CCDC102B: variants seen among roughly 807,000 people sequenced by gnomAD.
CCDC102B encodes coiled-coil domain containing 102B.
Under a neutral mutation model 57.4 loss-of-function variants are expected in CCDC102B, and 75 were observed. The ratio of observed to expected loss-of-function variants is 1.31; its 90% confidence interval spans 1.08 to 1.58. CCDC102B has a LOEUF of 1.58. Ranked by LOEUF, CCDC102B falls within the 40% of genes most tolerant of loss-of-function variation. The pLI, the probability that CCDC102B is intolerant of heterozygous loss-of-function variation, is 0.00. For missense variants in CCDC102B, 636 were observed against 582.6 expected (o/e 1.09, Z -0.94); for synonymous variants, 206 against 201.9 (o/e 1.02, Z -0.17).
chr18:69,047,240 G>A (rs1020238779), intron 7 of CCDC102B, among the ~76,000 whole-genome samples: 2 of 152,012 alleles, frequency 1.3e-5, no homozygotes, highest in Non-Finnish European at 1.5e-5. Context: ...TCCCTGGGAT[G>A]GCAATCAATA....
intron 1 of CCDC102B, among the ~76,000 whole-genome samples, chr18:68,799,313 CA>C (rs1418273789): frequency 6.6e-6 from 1 of 151,988 alleles, no homozygotes; most frequent in Non-Finnish European, 1.5e-5. Context: ...CTTTATTTTC[CA>C]AAATATCCTA....
downstream of CCDC102B, among the ~76,000 whole-genome samples, chr18:69,057,948 C>G (rs954342797): frequency 6.6e-6 from 1 of 151,990 alleles, no homozygotes; most frequent in Non-Finnish European, 1.5e-5. Flanking sequence ...TCACCCAATT[C>G]ATGAGCATAG....
chr18:68,747,051 A>G (rs2033647814), intron 2 of CCDC102B, among the ~76,000 whole-genome samples: 1 of 152,048 alleles, frequency 6.6e-6, no homozygotes. Flanking sequence ...AACATCCATC[A>G]TCTCAACCAT....
intron 1 of CCDC102B, among the ~76,000 whole-genome samples, chr18:68,822,265 A>G (rs1306944468): frequency 6.6e-6 from 1 of 152,032 alleles, no homozygotes; most frequent in Non-Finnish European, 1.5e-5. Flanking sequence ...ACAGTGGGGC[A>G]CGCCTGTAGT....
At chr18:68,882,667 A>C (rs2144963325) in intron 5 of CCDC102B, among the ~76,000 whole-genome samples, 1 of 152,350 alleles carries the variant, frequency 6.6e-6, no homozygotes, top group East Asian at 1.9e-4. Context: ...AGAATTACTT[A>C]TCTTTACAAA....
chr18:68,834,345 C>A (rs746604307), intron 1 of CCDC102B, among the ~76,000 whole-genome samples: 1 of 150,906 alleles, frequency 6.6e-6, no homozygotes, highest in Non-Finnish European at 1.5e-5. Flanking sequence ...GAATTAAATT[C>A]TCTGTCTTCA....
intron 6 of CCDC102B, among the ~76,000 whole-genome samples, chr18:68,983,331 C>T (rs554357659): frequency 1.3e-5 from 2 of 151,942 alleles, no homozygotes; most frequent in South Asian, 4.2e-4. Context: ...AATGCAGATG[C>T]CAAACAATAT....
At chr18:68,742,558 G>A (rs2033437608) in intron 2 of CCDC102B, among the ~76,000 whole-genome samples, 1 of 152,176 alleles carries the variant, frequency 6.6e-6, no homozygotes, top group Non-Finnish European at 1.5e-5. Context: ...CAAACATAAT[G>A]GCAGACATAA....
intron 6 of CCDC102B, among the ~76,000 whole-genome samples, chr18:68,956,364 T>TATATAAC: frequency 6.1e-5 from 4 of 65,956 alleles, no homozygotes; most frequent in Admixed American, 4.7e-4. Flanking sequence ...ATATATAATA[T>TATATAAC]ATATATAAAA....
chr18:68,852,988 C>T (rs1200748540), intron 4 of CCDC102B, among the ~76,000 whole-genome samples: 2 of 151,986 alleles, frequency 1.3e-5, no homozygotes, highest in African/African-American at 4.8e-5. Context: ...TGTTTTTGTG[C>T]AATTTTCGTA....
rs147606943 is a variant in CCDC102B at position 68,809,464 on chromosome 18, G to A, written c.-16+11283G>A. ...TTTTCGATGTACATAAAAACCTAAT[G>A]AAAATTATAATGTTCAGAGCAATTT... On this transcript the variant is annotated intron_variant, in intron 1 of 7. Transcript: ENST00000360242. Among the ~76,000 whole-genome samples, 617 of 152,226 alleles carry A rather than the reference G, an allele frequency of 4.1e-3. 9 individuals are homozygous for A. The highest frequency in any genetic ancestry group is 0.014 in the African/African-American group (572 of 41,536).
intron 6 of CCDC102B, among the ~76,000 whole-genome samples, chr18:68,956,598 T>TTA (rs200872658): frequency 0.3 from 22,332 of 73,920 alleles, 5,665 homozygotes; most frequent in East Asian, 0.83. Context: ...TATATATATA[T>TTA]TATATATATA....
intron 3 of CCDC102B, among the ~76,000 whole-genome samples, chr18:68,845,334 G>A (rs562863576): frequency 1.1e-4 from 17 of 151,796 alleles, no homozygotes; most frequent in East Asian, 5.8e-4. Flanking sequence ...AAATAGATCC[G>A]TATATTAGTT....
At chr18:69,044,364 G>A (rs2052506989) in intron 7 of CCDC102B, among the ~76,000 whole-genome samples, 1 of 152,138 alleles carries the variant, frequency 6.6e-6, no homozygotes. Context: ...TTAAATGAAA[G>A]CATTGAAAAC....
intron 6 of CCDC102B, among the ~76,000 whole-genome samples, chr18:68,960,911 C>G (rs1395132994): frequency 6.6e-6 from 1 of 152,124 alleles, no homozygotes; most frequent in African/African-American, 2.4e-5. Flanking sequence ...TCTTTCCTAT[C>G]TTGTTCAGTG....
intron 2 of CCDC102B, among the ~76,000 whole-genome samples, chr18:68,774,504 C>T (rs1189486905): frequency 6.6e-6 from 1 of 151,842 alleles, no homozygotes; most frequent in Non-Finnish European, 1.5e-5. Flanking sequence ...TTCTCATTTG[C>T]TTTATCTGTA....
At chr18:68,800,782 A>G (rs2035820032) in intron 1 of CCDC102B, among the ~76,000 whole-genome samples, 1 of 152,180 alleles carries the variant, frequency 6.6e-6, no homozygotes, top group South Asian at 2.1e-4. Flanking sequence ...TTTCATTTCA[A>G]TAGGTGAAAA....
chr18:68,839,585 A>G (rs983722609), intron 3 of CCDC102B, among the ~76,000 whole-genome samples: 14 of 152,168 alleles, frequency 9.2e-5, no homozygotes, highest in Non-Finnish European at 1.9e-4. Flanking sequence ...CTTGGCATGG[A>G]CATTGTATCT....
At chr18:69,002,896 C>A (rs2051243279) in intron 6 of CCDC102B, among the ~76,000 whole-genome samples, 1 of 152,110 alleles carries the variant, frequency 6.6e-6, no homozygotes, top group South Asian at 2.1e-4. Flanking sequence ...TGACTCTCTT[C>A]CCCCTTTTCC....
Sources: gnomAD v4.1 joint callset for allele counts (sites outside exome capture counted in the v4.1 genomes callset) on GRCh38, gnomAD v4.1.1 for gene constraint, MANE v1.5 for transcripts, NCBI Gene and HGNC (gene_info 2026-07-23, HGNC 2026-07-21) for gene names.